Variants in CNTN4 observed in about 807,000 individuals in gnomAD.
CNTN4 encodes contactin 4.
CNTN4 carries 77 observed loss-of-function variants against 122.5 expected under a neutral mutation model. That is an observed-to-expected ratio of 0.63 (90% CI 0.52 to 0.76). The LOEUF (loss-of-function observed/expected upper bound fraction) is 0.76. CNTN4 is among the 30% of genes least tolerant of loss of function. CNTN4 has a pLI of 0.00. For missense variants in CNTN4, 1,256 were observed against 1,259.1 expected, an observed-to-expected ratio of 1.00 and a Z score of 0.04; for synonymous variants, 512 against 447.0, an observed-to-expected ratio of 1.15 and a Z score of -1.83.
At chr3:2,473,197 C>T (rs2075736574) in intron 3 of CNTN4, among the ~76,000 whole-genome samples, 1 of 148,926 alleles carries the variant, frequency 6.7e-6, no homozygotes, top group African/African-American at 2.5e-5. Context: ...TGCCACTGTG[C>T]TCCAGCCTGG....
At chr3:2,763,864 A>G (rs2090713710) in intron 6 of CNTN4, among the ~76,000 whole-genome samples, 1 of 151,826 alleles carries the variant, frequency 6.6e-6, no homozygotes, top group Non-Finnish European at 1.5e-5. Flanking sequence ...TACCAATACC[A>G]TGCTGTTTTG....
chr3:2,980,507 T>C (rs190818173), intron 13 of CNTN4, among the ~76,000 whole-genome samples: 1 of 152,274 alleles, frequency 6.6e-6, no homozygotes, highest in Admixed American at 6.5e-5. Context: ...GTAGTCTAAA[T>C]TGAGGAAACC....
chr3:2,127,993 G>C (rs1324493680), intron 2 of CNTN4, among the ~76,000 whole-genome samples: 1 of 152,166 alleles, frequency 6.6e-6, no homozygotes, highest in Non-Finnish European at 1.5e-5. Flanking sequence ...GTTGTTAAAA[G>C]ATGTTTATTT....
intron 4 of CNTN4, among the ~76,000 whole-genome samples, chr3:2,631,549 G>A (rs527525586): frequency 2.2e-4 from 34 of 152,012 alleles, no homozygotes; most frequent in South Asian, 4.2e-4. Flanking sequence ...GTTCTATACC[G>A]GTTTTCAAGT....
intron 2 of CNTN4, among the ~76,000 whole-genome samples, chr3:2,107,207 C>A (rs948946142): frequency 3.9e-5 from 6 of 152,180 alleles, no homozygotes; most frequent in Admixed American, 1.3e-4. Flanking sequence ...GTTGCTTCCA[C>A]ATTTTCGGGT....
At chr3:2,357,646 A>T (rs150011690) in intron 3 of CNTN4, among the ~76,000 whole-genome samples, 11 of 152,216 alleles carry the variant, frequency 7.2e-5, no homozygotes, top group Non-Finnish European at 1.6e-4. Flanking sequence ...CAACAAGATG[A>T]GTAACTTGGG....
intron 3 of CNTN4, among the ~76,000 whole-genome samples, chr3:2,509,718 C>T (rs138153795): frequency 1.8e-3 from 269 of 152,248 alleles, no homozygotes; most frequent in Middle Eastern, 3.4e-3. Flanking sequence ...ACAATCAAAA[C>T]GCTAACACAG....
chr3:2,173,842 GA>G (rs2036621109), intron 2 of CNTN4, among the ~76,000 whole-genome samples: 1 of 151,850 alleles, frequency 6.6e-6, no homozygotes, highest in African/African-American at 2.4e-5. Flanking sequence ...AGAACTAAAG[GA>G]AAAAATAATT....
At chr3:2,745,904 G>A (rs1221151064) in intron 6 of CNTN4, among the ~76,000 whole-genome samples, 1 of 152,082 alleles carries the variant, frequency 6.6e-6, no homozygotes, top group East Asian at 1.9e-4. Context: ...ACTTCGATAA[G>A]GATTGAGATA....
chr3:2,713,208 A>G (rs1431616411), intron 4 of CNTN4, among the ~76,000 whole-genome samples: 2 of 152,140 alleles, frequency 1.3e-5, no homozygotes, highest in Non-Finnish European at 2.9e-5. Flanking sequence ...TCAAAATGAT[A>G]TAGAAGGACC....
intron 2 of CNTN4, among the ~76,000 whole-genome samples, chr3:2,182,794 T>C (rs962070630): frequency 2.0e-5 from 3 of 151,962 alleles, no homozygotes; most frequent in African/African-American, 7.2e-5. Flanking sequence ...GGTTGAGAAC[T>C]GGTTCTTTTG....
intron 4 of CNTN4, among the ~76,000 whole-genome samples, chr3:2,733,656 C>A (rs1033991340): frequency 6.6e-6 from 1 of 151,364 alleles, no homozygotes; most frequent in South Asian, 2.1e-4. Flanking sequence ...GCTTCAGCCT[C>A]CCGAGTGGCT....
At chr3:2,986,340 T>A (rs1239812449) in intron 13 of CNTN4, among the ~76,000 whole-genome samples, 1 of 152,218 alleles carries the variant, frequency 6.6e-6, no homozygotes, top group Non-Finnish European at 1.5e-5. Flanking sequence ...ACATTGTTAG[T>A]TCTGTTTCAT....
At chr3:2,916,926 G>C (rs187303794) in intron 12 of CNTN4, among the ~76,000 whole-genome samples, 6,516 of 145,512 alleles carry the variant, frequency 0.045, 544 homozygotes, top group African/African-American at 0.15. Flanking sequence ...CTGCAGTCTC[G>C]GCACTTTGGG....
rs115538173 is a variant in CNTN4, at chr3:2,250,634, A to C, written c.-144-88544A>C. On this transcript the variant is annotated intron_variant, in intron 2 of 24. Transcript: ENST00000418658. ...TGTATGGAAACATCACTATGTGGGA[A>C]ATAACCAAACTGTTTTGGAACCCTT... 2.6e-3 allele frequency among the ~76,000 whole-genome samples: 390 copies of C among 152,046 alleles called. 3 individuals are homozygous for C. The highest frequency in any genetic ancestry group is 8.8e-3 in the African/African-American group (366 of 41,560).
intron 8 of CNTN4, among the ~76,000 whole-genome samples, chr3:2,882,258 G>A (rs1285008892): frequency 6.6e-6 from 1 of 151,962 alleles, no homozygotes; most frequent in African/African-American, 2.4e-5. Context: ...CTAGCAACTC[G>A]GGGAGGCTGA....
rs143221486 is a variant in CNTN4, at chr3:2,952,341, A to G, written c.1358+26562A>G. ...AGGACTAGATTTGGGGAATGGCATC[A>G]GAGCCAGAGCTTTGCCATCTATGTA... On this transcript the variant is annotated intron_variant, in intron 13 of 24. Coordinates refer to ENST00000418658, the MANE Select transcript of CNTN4 (RefSeq NM_175607.3). Among the ~76,000 whole-genome samples the G allele has an allele frequency of 8.1e-4, 124 of 152,362 alleles. 1 individual carries two copies. Among genetic ancestry groups the G allele is most frequent in the African/African-American group, 2.8e-3 (118 of 41,596 alleles).
intron 4 of CNTN4, among the ~76,000 whole-genome samples, chr3:2,681,180 A>G (rs1040267291): frequency 6.6e-6 from 1 of 152,228 alleles, no homozygotes; most frequent in African/African-American, 2.4e-5. Context: ...AAGACAATAC[A>G]TAAATATCTA....
intron 2 of CNTN4, among the ~76,000 whole-genome samples, chr3:2,210,405 TC>T (rs1368506522): frequency 1.3e-5 from 2 of 152,184 alleles, no homozygotes; most frequent in Non-Finnish European, 2.9e-5. Flanking sequence ...AGTCCAAGGT[TC>T]CGGCATACCA....
Sources: allele counts gnomAD v4.1 joint callset (sites outside exome capture counted in the v4.1 genomes callset), GRCh38; gene constraint gnomAD v4.1.1; transcripts MANE v1.5; gene names NCBI Gene and HGNC (gene_info 2026-07-23, HGNC 2026-07-21).